Variants in ZNF226 observed in about 807,000 individuals in gnomAD.
ZNF226 encodes Kruppel-associated box protein.
Under a neutral mutation model 11.4 loss-of-function variants are expected in ZNF226, and 6 were observed. The observed-to-expected ratio is 0.53, with a 90% CI of 0.29 to 1.04. The LOEUF is 1.04. Ranked by LOEUF, ZNF226 falls within the 50% of genes least tolerant of loss-of-function variation. ZNF226 has a pLI of 0.08. For synonymous variants in ZNF226, 350 were observed against 322.8 expected (o/e 1.08, Z -0.90); for missense variants, 1,058 against 956.5 (o/e 1.11, Z -1.40).
chr19:44,183,666 G>A, the ZNF226 span, among the ~76,000 whole-genome samples: 10 of 152,278 alleles, frequency 6.6e-5, no homozygotes, highest in East Asian at 3.9e-4. Context: ...CTCAATTGAC[G>A]TGTGCAGAGA....
intron 5 of ZNF226, chr19:44,175,170 CTG>C: frequency 2.0e-6 from 3 of 1,466,252 alleles, no homozygotes; most frequent in Non-Finnish European, 1.8e-6. Flanking sequence ...TGGTTGTAAA[CTG>C]TGAGCACTAC....
Position 44,177,548 on chromosome 19 carries a change from G to C in ZNF226, c.2286G>C (p.Lys762Asn). 6.2e-7 allele frequency: 1 copy of C among 1,614,072 alleles called. No homozygotes were observed. Among genetic ancestry groups the C allele is most frequent in the Non-Finnish European group, 8.5e-7 (1 of 1,179,950 alleles). The change falls in exon 6 of 6, where the codon AAG (lysine) becomes AAC (asparagine). Residue 762 changes from lysine to asparagine, a missense_variant. Physicochemically the swap from Lys to Asn is moderately conservative, Grantham distance 94. Coordinates refer to ENST00000337433, the MANE Select transcript of ZNF226 (RefSeq NM_001032373.2). ...EKPYKCEICGKSFSWRSNLTV... is the reference protein window; with the variant it reads ...EKPYKCEICGNSFSWRSNLTV... ...CTTATAAATGTGAGATATGTGGTAA[G>C]AGCTTCAGTTGGCGATCAAATCTTA... is the stretch of plus-strand genomic sequence containing the variant.
At chr19:44,169,685 T>A (rs1361348204) in intron 2 of ZNF226, 1 of 169,244 alleles carries the variant, frequency 5.9e-6, no homozygotes, top group Non-Finnish European at 1.3e-5. Flanking sequence ...AAAGAGATGT[T>A]AATAGTTTCC....
rs754050408 is a variant in ZNF226 at position 44,176,834 on chromosome 19, C to T, written c.1572C>T (p.Val524=). 1.9e-6 allele frequency: 3 copies of T among 1,613,770 alleles called. No individual in the cohort carries two copies. Among genetic ancestry groups the T allele is most frequent in the South Asian group, 2.2e-5 (2 of 91,060 alleles). Residue 524 remains valine, a synonymous_variant, in exon 6 of 6, where the codon GTC becomes GTT. Coordinates refer to ENST00000337433, the MANE Select transcript of ZNF226 (RefSeq NM_001032373.2). ...CCCATTATCAAGTTCATCTAGTGGT[C>T]CACACAGGAGAGAAACCCTATAAAT... ...RNSHYQVHLV[V]HTGEKPYKCE...
the ZNF226 span, among the ~76,000 whole-genome samples, chr19:44,183,493 C>G: frequency 2.0e-5 from 3 of 152,178 alleles, no homozygotes; most frequent in East Asian, 5.8e-4. Flanking sequence ...AACCTGAAAG[C>G]AAAACCACAT....
At chr19:44,193,043 A>C in the ZNF226 span, among the ~76,000 whole-genome samples, 1 of 152,160 alleles carries the variant, frequency 6.6e-6, no homozygotes, top group East Asian at 1.9e-4. Context: ...GTATGCTTGC[A>C]ATTCTGAAGA....
At chr19:44,192,903 A>C in the ZNF226 span, among the ~76,000 whole-genome samples, 1 of 152,206 alleles carries the variant, frequency 6.6e-6, no homozygotes, top group South Asian at 2.1e-4. Flanking sequence ...CTGTATTAAT[A>C]CTCAATTTTT....
downstream of ZNF226, chr19:44,178,166 A>G (rs138144443): frequency 3.7e-4 from 58 of 155,604 alleles, no homozygotes; most frequent in East Asian, 8.8e-3. Context: ...GAACTCCCCA[A>G]TGTTAATTTG....
rs1230790058 is a variant in ZNF226, at chr19:44,170,578, C to T, written c.15+483C>T. Among the ~76,000 whole-genome samples the T allele has an allele frequency of 5.9e-5, 9 of 152,098 alleles. No individual in the cohort carries two copies. In the South Asian group the frequency reaches 1.9e-3, roughly 32 times the overall value. ...GGAAACCCCATCTCTACTAAAAATA[C>T]AAAAAATGAGCCAGGCGTGGTTGCA... On this transcript the variant is annotated intron_variant, in intron 3 of 5. Transcript: ENST00000337433.
chr19:44,185,770 C>T, the ZNF226 span, among the ~76,000 whole-genome samples: 1 of 151,972 alleles, frequency 6.6e-6, no homozygotes, highest in Non-Finnish European at 1.5e-5. Flanking sequence ...TGATATAATC[C>T]CATTTGTCTA....
rs1969836310 is a variant in ZNF226 at position 44,169,583 on chromosome 19, C to A, written c.-46-452C>A. The A allele has an allele frequency of 2.0e-5, 3 of 152,656 alleles. No homozygotes were observed. In the South Asian group the frequency reaches 6.2e-4, roughly 32 times the overall value. The allele number at this position is 152,656 out of a possible 1,614,324, so 9.5% of individuals were successfully genotyped here. ...ATTGCAGTTGCAAATAAATAAGATA[C>A]CTGACTGTGTTGTAAGAGCTTTCTA... On this transcript the variant is annotated intron_variant, in intron 2 of 5. Coordinates refer to ENST00000337433, the MANE Select transcript of ZNF226 (RefSeq NM_001032373.2).
intron 2 of ZNF226, among the ~76,000 whole-genome samples, chr19:44,168,578 A>G (rs972158034): frequency 6.6e-6 from 1 of 152,138 alleles, no homozygotes; most frequent in Non-Finnish European, 1.5e-5. Context: ...GAGTATTGAG[A>G]AATTATTTGT....
At chr19:44,195,815 A>T in the ZNF226 span, among the ~76,000 whole-genome samples, 1 of 152,232 alleles carries the variant, frequency 6.6e-6, no homozygotes, top group East Asian at 1.9e-4. Flanking sequence ...CGGTGACACC[A>T]GTCTTTTAGT....
chr19:44,180,003 T>G (rs1970881895), downstream of ZNF226, among the ~76,000 whole-genome samples: 1 of 150,528 alleles, frequency 6.6e-6, no homozygotes, highest in East Asian at 2.0e-4. Flanking sequence ...AGAAGAATCA[T>G]TTGAACCCAG....
At chr19:44,183,918 C>T in the ZNF226 span, among the ~76,000 whole-genome samples, 1 of 152,276 alleles carries the variant, frequency 6.6e-6, no homozygotes, top group South Asian at 2.1e-4. Context: ...AGTTCTGTAT[C>T]TACTTTCCAG....
the ZNF226 span, among the ~76,000 whole-genome samples, chr19:44,188,964 G>C: frequency 6.6e-6 from 1 of 152,196 alleles, no homozygotes; most frequent in African/African-American, 2.4e-5. Context: ...TAACAACGGT[G>C]GTATCAGTCC....
downstream of ZNF226, among the ~76,000 whole-genome samples, chr19:44,182,731 G>A (rs1294013395): frequency 1.3e-5 from 2 of 152,178 alleles, no homozygotes; most frequent in Non-Finnish European, 2.9e-5. Context: ...GGATCCTGGA[G>A]CATTAGGGGT....
At chr19:44,196,813 A>G in the ZNF226 span, among the ~76,000 whole-genome samples, 7 of 152,126 alleles carry the variant, frequency 4.6e-5, no homozygotes, top group African/African-American at 4.8e-5. Flanking sequence ...ACATGCCTCA[A>G]TTCTCAGAAG....
At chr19:44,178,134 A>G (rs1218887342), downstream of ZNF226, 1 of 160,310 alleles carries the variant, frequency 6.2e-6, no homozygotes, top group Non-Finnish European at 1.4e-5. Flanking sequence ...GACCATTGAA[A>G]TGTAGAAAAC....
Sources: gnomAD v4.1 joint callset for allele counts (sites outside exome capture counted in the v4.1 genomes callset) on GRCh38, gnomAD v4.1.1 for gene constraint, MANE v1.5 for transcripts, NCBI Gene and HGNC (gene_info 2026-07-23, HGNC 2026-07-21) for gene names.